Variants in CATSPERT observed in about 807,000 individuals in gnomAD.
CATSPERT encodes the protein cation channel sperm-associated targeting subunit tau.
At chr2:201,581,477 AATATATATATATATATATATATAT>A in the CATSPERT span, among the ~76,000 whole-genome samples, 10 of 14,860 alleles carry the variant, frequency 6.7e-4, 1 homozygote, top group African/African-American at 1.6e-3. Context: ...CACATTCCGG[AATATATATATATATATATATATAT>A]ATATATATAT....
At chr2:201,488,860 C>T in the CATSPERT span, among the ~76,000 whole-genome samples, 4 of 152,150 alleles carry the variant, frequency 2.6e-5, no homozygotes, top group Admixed American at 2.0e-4. Flanking sequence ...TTGGAGAAGG[C>T]AAGAAAACAT....
the CATSPERT span, among the ~76,000 whole-genome samples, chr2:201,616,590 T>C: frequency 1.3e-5 from 2 of 152,048 alleles, no homozygotes; most frequent in East Asian, 1.9e-4. Flanking sequence ...GACAAACCCA[T>C]AGCCAATATC....
At chr2:201,487,848 TA>T in the CATSPERT span, 1 of 1,613,996 alleles carries the variant, frequency 6.2e-7, no homozygotes, top group Non-Finnish European at 8.5e-7. Context: ...TTTACTTTTT[TA>T]AGGTGTGTAA....
At chr2:201,493,140 CATT>C in the CATSPERT span, 1 of 1,526,268 alleles carries the variant, frequency 6.6e-7, no homozygotes. Context: ...AGGATTTTAA[CATT>C]ATTTCATCTG....
chr2:201,555,794 T>C, the CATSPERT span: 2 of 152,262 alleles, frequency 1.3e-5, no homozygotes, highest in East Asian at 1.9e-4. Flanking sequence ...CCACCAACCA[T>C]CAACCTAATC....
chr2:201,561,844 C>T, the CATSPERT span, among the ~76,000 whole-genome samples: 8,330 of 150,454 alleles, frequency 0.055, 278 homozygotes, highest in African/African-American at 0.081. Context: ...ACTGCACTCC[C>T]GCCTGGGTGA....
At chr2:201,515,935 T>C in the CATSPERT span, among the ~76,000 whole-genome samples, 2 of 152,190 alleles carry the variant, frequency 1.3e-5, no homozygotes, top group Non-Finnish European at 2.9e-5. Context: ...CCCTTAACAA[T>C]AGATGCTATA....
chr2:201,577,162 T>C, the CATSPERT span, among the ~76,000 whole-genome samples: 2 of 152,184 alleles, frequency 1.3e-5, no homozygotes, highest in Admixed American at 6.5e-5. Flanking sequence ...GTATATAAGA[T>C]GTATATGAAA....
chr2:201,586,597 A>G, the CATSPERT span, among the ~76,000 whole-genome samples: 3 of 152,096 alleles, frequency 2.0e-5, no homozygotes, highest in African/African-American at 7.2e-5. Flanking sequence ...CAGATAAAAC[A>G]TAATGTAATT....
At chr2:201,558,285 T>C in the CATSPERT span, 1 of 152,244 alleles carries the variant, frequency 6.6e-6, no homozygotes, top group Non-Finnish European at 1.5e-5. Flanking sequence ...CCACTACTCA[T>C]ACAGGTTTTT....
chr2:201,617,539 C>T, the CATSPERT span, among the ~76,000 whole-genome samples: 2 of 152,148 alleles, frequency 1.3e-5, no homozygotes, highest in African/African-American at 2.4e-5. Flanking sequence ...CTTCCTTACG[C>T]CTTATACAAA....
At chr2:201,543,079 G>C in the CATSPERT span, among the ~76,000 whole-genome samples, 2 of 152,132 alleles carry the variant, frequency 1.3e-5, no homozygotes, top group Non-Finnish European at 2.9e-5. Context: ...TGAATATCCA[G>C]TTTTCCCAAC....
the CATSPERT span, among the ~76,000 whole-genome samples, chr2:201,563,426 T>C: frequency 0.069 from 2,238 of 32,516 alleles, 79 homozygotes; most frequent in East Asian, 0.25. Context: ...GCTGACCCCC[T>C]CACCTCCCTC....
the CATSPERT span, among the ~76,000 whole-genome samples, chr2:201,500,743 C>T: frequency 1.1e-4 from 17 of 152,138 alleles, no homozygotes; most frequent in South Asian, 2.1e-4. Flanking sequence ...CACAATATTA[C>T]GATTTAAGGC....
the CATSPERT span, among the ~76,000 whole-genome samples, chr2:201,502,356 G>A: frequency 3.3e-5 from 5 of 151,992 alleles, no homozygotes; most frequent in East Asian, 1.9e-4. Flanking sequence ...GGAGGATCAC[G>A]AGGTCAGGAG....
At chr2:201,572,147 A>G in the CATSPERT span, 1 of 577,282 alleles carries the variant, frequency 1.7e-6, no homozygotes, top group Non-Finnish European at 3.0e-6. Flanking sequence ...GCCTTAAATG[A>G]GACATGTAAG....
the CATSPERT span, among the ~76,000 whole-genome samples, chr2:201,567,302 C>G: frequency 6.6e-6 from 1 of 152,178 alleles, no homozygotes; most frequent in African/African-American, 2.4e-5. Context: ...GCTAAACATT[C>G]TAAATATTTT....
chr2:201,577,948 T>C, the CATSPERT span, among the ~76,000 whole-genome samples: 3 of 152,216 alleles, frequency 2.0e-5, no homozygotes, highest in African/African-American at 7.2e-5. Flanking sequence ...AGTGTATACA[T>C]AGATCAAAAC....
chr2:201,611,739 CACTT>C, the CATSPERT span, among the ~76,000 whole-genome samples: 2 of 151,592 alleles, frequency 1.3e-5, no homozygotes, highest in African/African-American at 4.8e-5. Context: ...ATATTTGTGA[CACTT>C]ATCACAGATG....
Sources: allele counts gnomAD v4.1 joint callset (sites outside exome capture counted in the v4.1 genomes callset), GRCh38; gene constraint gnomAD v4.1.1; transcripts MANE v1.5; gene names NCBI Gene and HGNC (gene_info 2026-07-23, HGNC 2026-07-21).